Variants in PARD3B observed in about 807,000 individuals in gnomAD.
PARD3B encodes partitioning defective 3 homolog B.
A neutral mutation model predicts 130.2 loss-of-function variants in PARD3B; 103 were observed. That is an observed-to-expected ratio of 0.79 (90% CI 0.67 to 0.93). The LOEUF (loss-of-function observed/expected upper bound fraction) is 0.93, where lower values mean the gene tolerates loss of function less well. PARD3B is among the 40% of genes least tolerant of loss of function. The pLI is 0.00. For missense variants in PARD3B, 1,609 were observed against 1,499.2 expected, an observed-to-expected ratio of 1.07 and a Z score of -1.21; for synonymous variants, 583 against 553.2, an observed-to-expected ratio of 1.05 and a Z score of -0.76.
chr2:204,770,833 G>A (rs992438755), intron 2 of PARD3B, among the ~76,000 whole-genome samples: 3 of 151,926 alleles, frequency 2.0e-5, no homozygotes, highest in African/African-American at 7.3e-5. Flanking sequence ...TCCCTATCAG[G>A]AGTCTCTGTA....
At chr2:204,764,322 C>T (rs1459307701) in intron 2 of PARD3B, among the ~76,000 whole-genome samples, 1 of 152,144 alleles carries the variant, frequency 6.6e-6, no homozygotes, top group Non-Finnish European at 1.5e-5. Context: ...CTTTAAGGTA[C>T]ATGTGTCAGG....
intron 15 of PARD3B, among the ~76,000 whole-genome samples, chr2:205,243,240 A>C (rs2039432932): frequency 6.6e-6 from 1 of 151,656 alleles, no homozygotes; most frequent in African/African-American, 2.4e-5. Context: ...ATTACTAGCT[A>C]TGATGTTAGT....
Position 205,015,830 on chromosome 2 carries a change from A to T in PARD3B, c.395-31751A>T. Among the ~76,000 whole-genome samples the T allele has an allele frequency of 6.6e-6, 1 of 152,304 alleles. No individual in the cohort carries two copies. The highest frequency in any genetic ancestry group is 2.1e-4 in the South Asian group (1 of 4,824). On this transcript the variant is annotated intron_variant, in intron 3 of 22. Coordinates refer to ENST00000406610, the MANE Select transcript of PARD3B (RefSeq NM_001302769.2). The surrounding 1 kb of genome is among the most constrained non-coding windows in gnomAD (Gnocchi z 4.5). ...TGTTCAATGAGTTATGAGTGAATGA[A>T]TGAAAGAATGGGTTTATTTTCCTGA...
At chr2:205,551,672 G>C (rs1279869131) in intron 21 of PARD3B, among the ~76,000 whole-genome samples, 1 of 152,088 alleles carries the variant, frequency 6.6e-6, no homozygotes, top group Non-Finnish European at 1.5e-5. Flanking sequence ...GTGTATACTT[G>C]TTTTGCAACA....
chr2:205,193,100 G>A, intron 14 of PARD3B, 105 bp from the exon 15 acceptor site: 1 of 695,904 alleles, frequency 1.4e-6, no homozygotes, highest in Non-Finnish European at 2.5e-6. Context: ...GTGGTTGGGA[G>A]CTGCGCAGAG....
chr2:204,576,574 A>G (rs866404164), intron 1 of PARD3B, among the ~76,000 whole-genome samples: 1 of 152,072 alleles, frequency 6.6e-6, no homozygotes, highest in Non-Finnish European at 1.5e-5. Flanking sequence ...TGCTGATGCA[A>G]TAGGCCGGTG....
chr2:205,355,995 C>T (rs35337631), intron 18 of PARD3B, among the ~76,000 whole-genome samples: 90,851 of 152,028 alleles, frequency 0.6, 30,669 homozygotes, highest in South Asian at 0.77. Context: ...ATGGGGATTA[C>T]GGGGACTATA....
At chr2:204,971,483 C>T (rs141479938) in intron 3 of PARD3B, among the ~76,000 whole-genome samples, 2 of 152,184 alleles carry the variant, frequency 1.3e-5, no homozygotes, top group Admixed American at 6.5e-5. Flanking sequence ...GTTAAAATTG[C>T]GTAGATGAAT....
chr2:204,593,747 G>T (rs1233641566), intron 1 of PARD3B, among the ~76,000 whole-genome samples: 1 of 152,106 alleles, frequency 6.6e-6, no homozygotes, highest in Non-Finnish European at 1.5e-5. Context: ...TTCACTCCAG[G>T]TCCTGCAGCT....
In PARD3B at chr2:205,183,625, G is replaced by A. The variant is rs73059249; in HGVS notation, c.1925-2139G>A. Among the ~76,000 whole-genome samples, 3,451 of 152,216 alleles carry A rather than the reference G, an allele frequency of 0.023. 114 individuals carry two copies. The highest frequency in any genetic ancestry group is 0.078 in the African/African-American group (3,249 of 41,530). ...AAGCTTCATCCCCAGGGGCATGTCA[G>A]CTGTGCTACAACTACCTCCACATCA... is the stretch of plus-strand genomic sequence containing the variant. On this transcript the variant is annotated intron_variant, in intron 13 of 22. Coordinates refer to ENST00000406610, the MANE Select transcript of PARD3B (RefSeq NM_001302769.2). The surrounding 1 kb of genome is among the most constrained non-coding windows in gnomAD (Gnocchi z 5.2).
At chr2:204,707,860 T>C (rs1270474508) in intron 2 of PARD3B, among the ~76,000 whole-genome samples, 1 of 152,162 alleles carries the variant, frequency 6.6e-6, no homozygotes, top group African/African-American at 2.4e-5. Flanking sequence ...TGTTTTAAGC[T>C]TTTAATTTTA....
intron 10 of PARD3B, among the ~76,000 whole-genome samples, chr2:205,140,730 A>T (rs2032882899): frequency 6.6e-6 from 1 of 152,150 alleles, no homozygotes; most frequent in African/African-American, 2.4e-5. Flanking sequence ...TAAAAGATAT[A>T]TGCATATTGA....
chr2:204,822,127 G>A (rs1291963693), intron 2 of PARD3B, among the ~76,000 whole-genome samples: 3 of 152,204 alleles, frequency 2.0e-5, no homozygotes, highest in African/African-American at 7.2e-5. Context: ...ACAGCAAGAA[G>A]TCAAAATACC....
At chr2:204,592,502 A>G (rs1298645854) in intron 1 of PARD3B, among the ~76,000 whole-genome samples, 1 of 152,238 alleles carries the variant, frequency 6.6e-6, no homozygotes, top group Non-Finnish European at 1.5e-5. Flanking sequence ...ATAGGCAGCT[A>G]TACCACTTTG....
intron 2 of PARD3B, among the ~76,000 whole-genome samples, chr2:204,858,948 T>G (rs1479732750): frequency 2.0e-5 from 3 of 151,806 alleles, no homozygotes; most frequent in Non-Finnish European, 4.4e-5. Flanking sequence ...TGCATCATTC[T>G]CATGTTTCCA....
chr2:205,384,673 G>A lies in PARD3B; in HGVS notation c.2631-16340G>A, dbSNP rs185177138. ...TGGGGAGAATCTTAATTGCATTAAC[G>A]CAGGCATTTGTAACTTAACATACAT... is the stretch of plus-strand genomic sequence containing the variant. On this transcript the variant is annotated intron_variant, in intron 18 of 22. Coordinates refer to ENST00000406610, the MANE Select transcript of PARD3B (RefSeq NM_001302769.2). Among the ~76,000 whole-genome samples the A allele has an allele frequency of 4.6e-5, 7 of 152,186 alleles. No individual in the cohort carries two copies. The East Asian group carries it at 7.7e-4, about 17-fold the overall frequency.
chr2:204,999,712 A>T (rs188734090), intron 3 of PARD3B, among the ~76,000 whole-genome samples: 17 of 152,336 alleles, frequency 1.1e-4, no homozygotes, highest in Admixed American at 9.1e-4. Flanking sequence ...GTACTCTCAG[A>T]TGAAGAACAG....
chr2:205,371,118 T>C (rs2044799232), intron 18 of PARD3B, among the ~76,000 whole-genome samples: 1 of 152,188 alleles, frequency 6.6e-6, no homozygotes, highest in African/African-American at 2.4e-5. Context: ...ATTTTCATAA[T>C]TGAAAATCAT....
In PARD3B at chr2:204,664,484, C is replaced by A. The variant is rs2125190831; in HGVS notation, c.121-21697C>A. On this transcript the variant is annotated intron_variant, in intron 1 of 22. Coordinates refer to ENST00000406610, the MANE Select transcript of PARD3B (RefSeq NM_001302769.2). This position sits in a 1 kb window ranked among gnomAD's most constrained non-coding sequence, Gnocchi z 5.2. ...CCCTGAAAGTTAGTTACGTTTTGAT[C>A]ATTGGTCTGCTATATTGAATGCTGA... is the stretch of plus-strand genomic sequence containing the variant. 6.6e-6 allele frequency among the ~76,000 whole-genome samples: 1 copy of A among 152,250 alleles called. No homozygotes were observed. The highest frequency in any genetic ancestry group is 3.4e-3 in the Middle Eastern group (1 of 294).
Sources: allele counts gnomAD v4.1 joint callset (sites outside exome capture counted in the v4.1 genomes callset), GRCh38; gene constraint gnomAD v4.1.1; non-coding constraint Gnocchi (gnomAD v3.1); transcripts MANE v1.5; gene names NCBI Gene and HGNC (gene_info 2026-07-23, HGNC 2026-07-21).